Variants in GPR176 observed in about 807,000 individuals in gnomAD.
GPR176 encodes G protein-coupled receptor 176, also known as G-protein coupled receptor 176.
GPR176 carries 26 observed loss-of-function variants against 35.4 expected under a neutral mutation model. That is an observed-to-expected ratio of 0.74 (90% CI 0.54 to 1.02). The LOEUF is 1.02. Ranked by LOEUF, GPR176 falls within the 50% of genes least tolerant of loss-of-function variation. The pLI, the probability that GPR176 is intolerant of heterozygous loss-of-function variation, is 0.00. For synonymous variants in GPR176, 278 were observed against 271.3 expected (o/e 1.02, Z -0.24); for missense variants, 597 against 665.3 (o/e 0.90, Z 1.13).
Position 39,801,247 on chromosome 15 carries a change from G to C in GPR176, c.1433C>G (p.Pro478Arg), listed in dbSNP as rs201005643. The change falls in exon 3 of 3, where the codon CCC becomes CGC. Residue 478 changes from proline to arginine, a missense_variant. By Grantham distance (103) the Pro-to-Arg change is moderately radical (BLOSUM62 -2). Coordinates refer to ENST00000561100, the MANE Select transcript of GPR176 (RefSeq NM_007223.3). ...TRNSKKRLLP[P>R]LGNTPEELIQ... ...CAGCTCTTCTGGGGTGTTGCCCAAG[G>C]GGGGAAGCAGCCGCTTCTTGCTGTT... is the stretch of plus-strand genomic sequence containing the variant. 1.4e-4 allele frequency: 227 copies of C among 1,614,172 alleles called. 2 individuals are homozygous for C. In the Middle Eastern group the frequency reaches 2.1e-3, roughly 15 times the overall value.
Position 39,801,774 on chromosome 15 carries a change from C to T in GPR176, c.906G>A (p.Leu302=). 6.2e-7 allele frequency: 1 copy of T among 1,613,882 alleles called. No homozygotes were observed. The highest frequency in any genetic ancestry group is 2.2e-5 in the East Asian group (1 of 44,872). ...LNVPDTSVFL[L]LTAVWLPKVS... ...CTTTGGGCAGCCAAACAGCAGTGAG[C>T]AGCAAGAAGACGGAAGTGTCAGGGA... Residue 302 remains leucine, a synonymous_variant, in exon 3 of 3, where the codon CTG becomes CTA. Transcript: ENST00000561100.
chr15:39,917,509 T>C (rs56360921), intron 1 of GPR176, among the ~76,000 whole-genome samples: 1 of 151,350 alleles, frequency 6.6e-6, no homozygotes, highest in Non-Finnish European at 1.5e-5. Context: ...CTAATTTTTG[T>C]ATTTTTAGTA....
chr15:39,811,773 G>C (rs546365073), intron 1 of GPR176, among the ~76,000 whole-genome samples: 2 of 152,000 alleles, frequency 1.3e-5, no homozygotes, highest in African/African-American at 4.8e-5. Flanking sequence ...AAAATTAGCC[G>C]GGCGTAGTAG....
chr15:39,839,938 T>C (rs1012404663), intron 1 of GPR176, among the ~76,000 whole-genome samples: 3 of 152,144 alleles, frequency 2.0e-5, no homozygotes, highest in African/African-American at 7.2e-5. Flanking sequence ...TGAGATACTA[T>C]CTCACTCCAG....
At chr15:39,874,232 G>T (rs769441351) in intron 1 of GPR176, among the ~76,000 whole-genome samples, 1 of 152,140 alleles carries the variant, frequency 6.6e-6, no homozygotes. Flanking sequence ...AGTGTGGTAA[G>T]TAACTCCCCT....
chr15:39,829,189 C>A (rs1005481907), intron 1 of GPR176: 85 of 1,530,622 alleles, frequency 5.6e-5, no homozygotes, highest in Non-Finnish European at 6.9e-5. Flanking sequence ...CATGAAGAGA[C>A]AACACCTCAC....
At position 39,888,252 on chromosome 15, in the gene GPR176, TG is replaced by T. The variant is rs35568409; in HGVS notation, c.172+31602del. The stretch of plus-strand genomic sequence containing the variant: ...CTTGCTTTTCTCTTGTTGGTTTTTT[TG>T]GGGGGTGAAGGGAATCTGCTTTTTA... On this transcript the variant is annotated intron_variant, in intron 1 of 2. Transcript: ENST00000561100. Among the ~76,000 whole-genome samples the T allele has an allele frequency of 2.6e-3, 393 of 151,406 alleles. 5 individuals carry two copies. The highest frequency in any genetic ancestry group is 0.022 in the East Asian group (115 of 5,180).
chr15:39,854,002 A>G (rs2031043742), intron 1 of GPR176, among the ~76,000 whole-genome samples: 1 of 152,306 alleles, frequency 6.6e-6, no homozygotes, highest in African/African-American at 2.4e-5. Flanking sequence ...TATTTGACAC[A>G]GTAAACTGAG....
At chr15:39,817,791 G>T (rs890281518) in intron 1 of GPR176, among the ~76,000 whole-genome samples, 6 of 152,346 alleles carry the variant, frequency 3.9e-5, no homozygotes, top group Admixed American at 3.3e-4. Flanking sequence ...TTCAAAAAAA[G>T]GCACTGTTAA....
chr15:39,818,091 T>C (rs1900036167), intron 1 of GPR176, among the ~76,000 whole-genome samples: 1 of 152,196 alleles, frequency 6.6e-6, no homozygotes, highest in African/African-American at 2.4e-5. Context: ...AAAACCAGCT[T>C]GCAGCCATAG....
chr15:39,865,129 G>T (rs1351799926), intron 1 of GPR176, among the ~76,000 whole-genome samples: 1 of 151,978 alleles, frequency 6.6e-6, no homozygotes, highest in African/African-American at 2.4e-5. Flanking sequence ...AACCTCTATG[G>T]AAAAAATATG....
intron 1 of GPR176, among the ~76,000 whole-genome samples, chr15:39,904,736 T>C (rs1323928769): frequency 6.6e-6 from 1 of 152,128 alleles, no homozygotes; most frequent in Non-Finnish European, 1.5e-5. Flanking sequence ...CCCGAACTTA[T>C]GGGGGCAAAG....
At chr15:39,872,149 G>T (rs945041335) in intron 1 of GPR176, among the ~76,000 whole-genome samples, 6 of 151,988 alleles carry the variant, frequency 3.9e-5, no homozygotes, top group African/African-American at 1.5e-4. Context: ...AAATAACTCA[G>T]TAAAACTCTT....
At chr15:39,829,123 C>G in intron 1 of GPR176, 1 of 1,429,062 alleles carries the variant, frequency 7.0e-7, no homozygotes, top group Non-Finnish European at 9.5e-7. Context: ...GGCATTCAGA[C>G]AGAAGCAGTT....
At chr15:39,868,980 G>A (rs1375310115) in intron 1 of GPR176, among the ~76,000 whole-genome samples, 1 of 148,936 alleles carries the variant, frequency 6.7e-6, no homozygotes, top group East Asian at 2.0e-4. Context: ...ATACAGCCTA[G>A]GCAACAAGAG....
chr15:39,830,001 A>G (rs953734019), intron 1 of GPR176, among the ~76,000 whole-genome samples: 2 of 151,748 alleles, frequency 1.3e-5, no homozygotes, highest in African/African-American at 4.8e-5. Context: ...ATATATATAC[A>G]CATTCCCAAC....
chr15:39,915,647 G>T (rs2033707790), intron 1 of GPR176, among the ~76,000 whole-genome samples: 1 of 152,142 alleles, frequency 6.6e-6, no homozygotes, highest in African/African-American at 2.4e-5. Context: ...GGGTGAGGCG[G>T]ATGGATCATC....
chr15:39,840,128 C>T (rs907873226), intron 1 of GPR176, among the ~76,000 whole-genome samples: 8 of 152,172 alleles, frequency 5.3e-5, no homozygotes, highest in African/African-American at 1.7e-4. Context: ...AATCCCATGA[C>T]TGGGTATATA....
intron 1 of GPR176, among the ~76,000 whole-genome samples, chr15:39,891,890 T>C (rs543653355): frequency 6.6e-6 from 1 of 152,264 alleles, no homozygotes; most frequent in South Asian, 2.1e-4. Context: ...CAGGTAGAAA[T>C]GTTAAAACAA....
Sources: allele counts gnomAD v4.1 joint callset (sites outside exome capture counted in the v4.1 genomes callset), GRCh38; gene constraint gnomAD v4.1.1; transcripts MANE v1.5; gene names NCBI Gene and HGNC (gene_info 2026-07-23, HGNC 2026-07-21).